EBF3: variants seen among roughly 807,000 people sequenced by gnomAD.
The protein encoded by EBF3 is transcription factor COE3.
EBF3 carries 18 observed loss-of-function variants against 77.1 expected under a neutral mutation model. That is an observed-to-expected ratio of 0.23 (90% CI 0.16 to 0.35). EBF3 has a LOEUF of 0.35. EBF3 is among the 10% of genes least tolerant of loss of function. The pLI, the probability that EBF3 is intolerant of heterozygous loss-of-function variation, is 1.00. For missense variants in EBF3, 558 were observed against 860.0 expected (o/e 0.65, Z 4.39); for synonymous variants, 350 against 343.5 (o/e 1.02, Z -0.21).
chr10:129,956,455 G>T (rs141902507), intron 6 of EBF3, among the ~76,000 whole-genome samples: 1,920 of 152,284 alleles, frequency 0.013, 22 homozygotes, highest in South Asian at 0.044. Context: ...CTCCTCTCCT[G>T]CACGGCACCG....
chr10:129,878,071 G>A (rs1852921488), intron 6 of EBF3, among the ~76,000 whole-genome samples: 1 of 152,122 alleles, frequency 6.6e-6, no homozygotes, highest in Non-Finnish European at 1.5e-5. Context: ...CCTTGACGCT[G>A]TGGGTGTCCA....
intron 6 of EBF3, among the ~76,000 whole-genome samples, chr10:129,883,271 C>A (rs1239297921): frequency 6.6e-6 from 1 of 152,162 alleles, no homozygotes; most frequent in African/African-American, 2.4e-5. Flanking sequence ...TGCGCGCCTA[C>A]CCCCACGCAG....
intron 3 of EBF3, 139 bp from the exon 4 acceptor site, chr10:129,962,365 A>ATT: frequency 1.4e-6 from 1 of 718,820 alleles, no homozygotes; most frequent in Non-Finnish European, 2.4e-6. Flanking sequence ...TTTGAAAGGG[A>ATT]GAAAGAGAAC....
chr10:129,963,609 G>T lies in EBF3; in HGVS notation c.134+26C>A, dbSNP rs748374680. 2.3e-6 allele frequency: 3 copies of T among 1,308,860 alleles called. No homozygotes were observed. The highest frequency in any genetic ancestry group is 3.2e-5 in the South Asian group (2 of 62,828). 81.1% of individuals were successfully genotyped at this position (1,308,860 alleles called of 1,614,324 possible). On this transcript the variant is annotated intron_variant, in intron 1 of 16. Coordinates refer to ENST00000440978, the MANE Select transcript of EBF3 (RefSeq NM_001375380.1). This position sits in a 1 kb window ranked among gnomAD's most constrained non-coding sequence, Gnocchi z 7.1. The stretch of plus-strand genomic sequence containing the variant: ...CGGGCCGGGCCGGGGCCGGGGCCAG[G>T]GCGCGCGGGGGCGGCCGGTACGTAC...
At chr10:129,843,099 G>GT (rs768424110) in intron 12 of EBF3, 38 bp downstream of exon 12, 9 of 1,603,308 alleles carry the variant, frequency 5.6e-6, no homozygotes, top group South Asian at 4.4e-5. Flanking sequence ...TTCTGGCATG[G>GT]GGGGGAGGAT....
intron 6 of EBF3, among the ~76,000 whole-genome samples, chr10:129,932,076 G>A (rs570626839): frequency 3.5e-4 from 53 of 152,346 alleles, no homozygotes; most frequent in African/African-American, 1.1e-3. Flanking sequence ...TCCCAGAGGA[G>A]CAGAGGTGAG....
At chr10:129,906,856 A>G (rs540344356) in intron 6 of EBF3, among the ~76,000 whole-genome samples, 112 of 150,346 alleles carry the variant, frequency 7.4e-4, no homozygotes, top group Admixed American at 6.6e-3. Context: ...AGTACCAGGG[A>G]AAAAAAAAAT....
At chr10:129,936,034 G>A (rs1317368735) in intron 6 of EBF3, among the ~76,000 whole-genome samples, 2 of 152,224 alleles carry the variant, frequency 1.3e-5, no homozygotes, top group Non-Finnish European at 2.9e-5. Context: ...ACGGCGGCAG[G>A]TGCAGATGGT....
rs1490529615 is a variant in EBF3 at position 129,842,724 on chromosome 10, A to G, written c.1194+413T>C. Among the ~76,000 whole-genome samples, 2 of 145,802 alleles carry G rather than the reference A, an allele frequency of 1.4e-5. No individual in the cohort carries two copies. Among genetic ancestry groups the G allele is most frequent in the African/African-American group, 5.1e-5 (2 of 38,934 alleles). ...GGTTGCAGTGAACCGACACTGCCCT[A>G]CTGCACTCCAGCCTGGGTGACAGAG... On this transcript the variant is annotated intron_variant, in intron 12 of 16. Coordinates refer to ENST00000440978, the MANE Select transcript of EBF3 (RefSeq NM_001375380.1). The surrounding 1 kb of genome is among the most constrained non-coding windows in gnomAD (Gnocchi z 4.4).
chr10:129,852,469 C>T (rs1047014613), intron 10 of EBF3, among the ~76,000 whole-genome samples: 4 of 152,162 alleles, frequency 2.6e-5, no homozygotes, highest in Admixed American at 6.5e-5. Context: ...CAATTAGAGA[C>T]GTACCGGCGG....
intron 10 of EBF3, among the ~76,000 whole-genome samples, chr10:129,865,958 A>G (rs1345748867): frequency 6.6e-6 from 1 of 152,174 alleles, no homozygotes; most frequent in African/African-American, 2.4e-5. Flanking sequence ...ACAGTCACCC[A>G]GCCACTGCAC....
intron 6 of EBF3, among the ~76,000 whole-genome samples, chr10:129,913,095 G>A (rs1215940856): frequency 1.3e-5 from 2 of 152,202 alleles, no homozygotes; most frequent in African/African-American, 4.8e-5. Context: ...TTCTTGGAGG[G>A]AAAACGCAGC....
chr10:129,869,229 G>A (rs939478648), intron 8 of EBF3, among the ~76,000 whole-genome samples: 6 of 152,320 alleles, frequency 3.9e-5, no homozygotes, highest in Admixed American at 1.3e-4. Flanking sequence ...GGTGTTGGGG[G>A]TTAAAGATGA....
At chr10:129,888,785 G>A (rs564372740) in intron 6 of EBF3, among the ~76,000 whole-genome samples, 17 of 152,286 alleles carry the variant, frequency 1.1e-4, no homozygotes, top group Admixed American at 6.5e-5. Context: ...AATTATATTC[G>A]CAGAACAGGT....
chr10:129,850,241 G>C (rs1371951233), intron 10 of EBF3, among the ~76,000 whole-genome samples: 1 of 152,190 alleles, frequency 6.6e-6, no homozygotes, highest in South Asian at 2.1e-4. Flanking sequence ...ATAGATGGGC[G>C]GCCATTATTG....
intron 6 of EBF3, among the ~76,000 whole-genome samples, chr10:129,930,930 ATATATC>A (rs1335461998): frequency 7.0e-6 from 1 of 142,628 alleles, no homozygotes; most frequent in Non-Finnish European, 1.5e-5. Flanking sequence ...TCCCCCTCTC[ATATATC>A]TATATCTATC....
chr10:129,907,250 G>A (rs374581763), intron 6 of EBF3, among the ~76,000 whole-genome samples: 4 of 152,220 alleles, frequency 2.6e-5, no homozygotes, highest in African/African-American at 7.2e-5. Flanking sequence ...GACCCTGGGC[G>A]AGGGCGCCCC....
At chr10:129,867,945 G>A (rs757681340) in intron 8 of EBF3, 33 bp from the exon 9 acceptor site, 2 of 1,609,000 alleles carry the variant, frequency 1.2e-6, no homozygotes, top group South Asian at 1.1e-5. Flanking sequence ...GCAGACCTTA[G>A]AGCCCCGTCC....
chr10:129,894,453 G>A (rs568339113), intron 6 of EBF3, among the ~76,000 whole-genome samples: 28 of 152,272 alleles, frequency 1.8e-4, no homozygotes, highest in African/African-American at 6.7e-4. Flanking sequence ...TGCCCCCGTG[G>A]CTGGCACATC....
Sources: allele counts gnomAD v4.1 joint callset (sites outside exome capture counted in the v4.1 genomes callset), GRCh38; gene constraint gnomAD v4.1.1; non-coding constraint Gnocchi (gnomAD v3.1); transcripts MANE v1.5; gene names NCBI Gene and HGNC (gene_info 2026-07-23, HGNC 2026-07-21).